KCNN2: variants seen among roughly 807,000 people sequenced by gnomAD.
KCNN2 encodes potassium calcium-activated channel subfamily N member 2, also known as small conductance calcium-activated potassium channel protein 2.
KCNN2 carries 24 observed loss-of-function variants against 55.5 expected under a neutral mutation model. The observed-to-expected ratio is 0.43, with a 90% confidence interval of 0.31 to 0.61. KCNN2 has a LOEUF of 0.61. KCNN2 is among the 20% of genes least tolerant of loss of function. KCNN2 has a pLI of 0.08. For missense variants in KCNN2, 754 were observed against 853.6 expected, an observed-to-expected ratio of 0.88 and a Z score of 1.45; for synonymous variants, 431 against 336.1, an observed-to-expected ratio of 1.28 and a Z score of -3.09.
chr5:114,056,168 C>T (rs1356343776), exon 1 of KCNN2: 2 of 391,720 alleles, frequency 5.1e-6, no homozygotes, highest in East Asian at 3.6e-5. Flanking sequence ...AGTTGGACCC[C>T]AATCAGCAGC....
At chr5:114,199,665 G>A (rs7719296) in intron 1 of KCNN2, among the ~76,000 whole-genome samples, 7,250 of 151,378 alleles carry the variant, frequency 0.048, 595 homozygotes, top group African/African-American at 0.17. Context: ...TCCCATGTTT[G>A]AGACTCCTTT....
intron 2 of KCNN2, among the ~76,000 whole-genome samples, chr5:114,241,369 A>G (rs1485535654): frequency 1.3e-5 from 2 of 151,966 alleles, no homozygotes; most frequent in East Asian, 3.9e-4. Context: ...AAAATAGTGA[A>G]GATAGTTATG....
intron 3 of KCNN2, among the ~76,000 whole-genome samples, chr5:114,431,054 C>T (rs1195772082): frequency 6.6e-6 from 1 of 151,998 alleles, no homozygotes; most frequent in Non-Finnish European, 1.5e-5. Flanking sequence ...GTCTTACGTC[C>T]TTATAATCTC....
chr5:114,104,408 A>G (rs755583833), intron 1 of KCNN2, among the ~76,000 whole-genome samples: 16 of 151,714 alleles, frequency 1.1e-4, no homozygotes, highest in Admixed American at 7.9e-4. Flanking sequence ...AGGGTCTTTC[A>G]TGTCTCTATC....
rs117729122 is a variant in KCNN2, at chr5:114,324,976, T to C, written c.-184-35969T>C. 7.9e-5 allele frequency among the ~76,000 whole-genome samples: 12 copies of C among 152,298 alleles called. No individual in the cohort carries two copies. The East Asian group carries it at 2.3e-3, about 29-fold the overall frequency. ...AGACTGTTAGTAAAAATATGGATGT[T>C]AAAAGCACTGTTGGTGATAGCTCAA... On this transcript the variant is annotated intron_variant, in intron 2 of 10. Coordinates refer to the KCNN2 transcript ENST00000512097.
intron 7 of KCNN2, among the ~76,000 whole-genome samples, chr5:114,494,678 T>C (rs1232265136): frequency 6.6e-6 from 1 of 152,086 alleles, no homozygotes; most frequent in Non-Finnish European, 1.5e-5. Context: ...TGAGGCAAGA[T>C]GCTGTTTCTT....
At chr5:114,395,435 A>G (rs1758586893) in intron 2 of KCNN2, among the ~76,000 whole-genome samples, 1 of 152,204 alleles carries the variant, frequency 6.6e-6, no homozygotes, top group South Asian at 2.1e-4. Context: ...GAATTAAGGT[A>G]GATTAAACTG....
chr5:114,313,907 G>A (rs1333027174), intron 2 of KCNN2, among the ~76,000 whole-genome samples: 1 of 151,994 alleles, frequency 6.6e-6, no homozygotes, highest in Non-Finnish European at 1.5e-5. Context: ...CGGGCTTTTT[G>A]CTTCTTCTAA....
intron 1 of KCNN2, among the ~76,000 whole-genome samples, chr5:114,100,844 T>A (rs1258098742): frequency 6.6e-6 from 1 of 152,098 alleles, no homozygotes; most frequent in Non-Finnish European, 1.5e-5. Flanking sequence ...TTAGAAGGTT[T>A]GAACAGGAAA....
At chr5:114,318,246 A>T (rs1282979293) in intron 2 of KCNN2, among the ~76,000 whole-genome samples, 3 of 152,206 alleles carry the variant, frequency 2.0e-5, no homozygotes, top group Non-Finnish European at 4.4e-5. Flanking sequence ...GTTTAAAGAC[A>T]GGTTCTCTAA....
intron 2 of KCNN2, among the ~76,000 whole-genome samples, chr5:114,381,577 GAGGATCAC>G (rs904447719): frequency 1.9e-4 from 29 of 152,262 alleles, no homozygotes; most frequent in Non-Finnish European, 2.8e-4. Flanking sequence ...GTCCCTCCAA[GAGGATCAC>G]AGCATGTCCT....
chr5:114,135,595 GC>G (rs1561490040), intron 1 of KCNN2, among the ~76,000 whole-genome samples: 1 of 152,110 alleles, frequency 6.6e-6, no homozygotes, highest in Non-Finnish European at 1.5e-5. Flanking sequence ...CTAGCTACAT[GC>G]CCGTGTATAA....
rs763475130 is a variant in KCNN2 at position 114,405,911 on chromosome 5, C to T, written c.1637+1055C>T. On this transcript the variant is annotated intron_variant, in intron 3 of 7. Transcript: ENST00000673685. ...ATTTTTAGTAGAGACGGGGTTTCAC[C>T]GTGTTAGCTGGGATGGTCTCAATCT... 2.2e-4 allele frequency among the ~76,000 whole-genome samples: 34 copies of T among 151,828 alleles called. No homozygotes were observed. The Middle Eastern group carries it at 0.01, about 46-fold the overall frequency.
intron 2 of KCNN2, among the ~76,000 whole-genome samples, chr5:114,378,385 A>C (rs1464023025): frequency 1.3e-5 from 2 of 152,242 alleles, no homozygotes; most frequent in Non-Finnish European, 2.9e-5. Flanking sequence ...AAGAAGAAAC[A>C]TGGCTGAAAG....
chr5:114,126,303 T>C (rs1751929130), intron 1 of KCNN2, among the ~76,000 whole-genome samples: 1 of 152,072 alleles, frequency 6.6e-6, no homozygotes, highest in Non-Finnish European at 1.5e-5. Flanking sequence ...GGGTAATTTA[T>C]AAAGGAAAAA....
chr5:114,118,755 TC>T, intron 1 of KCNN2, among the ~76,000 whole-genome samples: 1 of 152,232 alleles, frequency 6.6e-6, no homozygotes, highest in East Asian at 1.9e-4. Flanking sequence ...AAGTTAATCA[TC>T]AGACATATAC....
At chr5:114,212,816 T>C (rs1437460085) in intron 1 of KCNN2, among the ~76,000 whole-genome samples, 1 of 152,092 alleles carries the variant, frequency 6.6e-6, no homozygotes, top group Non-Finnish European at 1.5e-5. Context: ...GTCCAGATTA[T>C]AGGTCTTGTC....
rs76747293 is a variant in KCNN2 at position 114,084,230 on chromosome 5, T to A, written c.-271+27730T>A. Among the ~76,000 whole-genome samples, 365 of 152,234 alleles carry A rather than the reference T, an allele frequency of 2.4e-3. 2 individuals carry two copies. Among genetic ancestry groups the A allele is most frequent in the African/African-American group, 8.2e-3 (342 of 41,578 alleles). On this transcript the variant is annotated intron_variant, in intron 1 of 10. Transcript: ENST00000512097. The stretch of plus-strand genomic sequence containing the variant: ...ATTACTGTATGGTATAGCATGACTA[T>A]GTTTAGCTTTGGAAAAAAACTGCCA...
intron 2 of KCNN2, among the ~76,000 whole-genome samples, chr5:114,304,120 C>A (rs560300285): frequency 3.9e-5 from 6 of 152,174 alleles, no homozygotes; most frequent in Non-Finnish European, 8.8e-5. Context: ...AATTTCCCTT[C>A]ATTACTGTTC....
Sources: allele counts gnomAD v4.1 joint callset (sites outside exome capture counted in the v4.1 genomes callset), GRCh38; gene constraint gnomAD v4.1.1; transcripts MANE v1.5; gene names NCBI Gene and HGNC (gene_info 2026-07-23, HGNC 2026-07-21).